Variants in ARHGEF28 observed in about 807,000 individuals in gnomAD.
The protein encoded by ARHGEF28 is 190 kDa guanine nucleotide exchange factor.
A neutral mutation model predicts 206.6 loss-of-function variants in ARHGEF28; 152 were observed. The ratio of observed to expected loss-of-function variants is 0.74; its 90% CI spans 0.64 to 0.84. The LOEUF is 0.84. ARHGEF28 is among the 40% of genes least tolerant of loss of function. ARHGEF28 has a pLI of 0.00. For missense variants in ARHGEF28, 2,028 were observed against 2,073.2 expected, an observed-to-expected ratio of 0.98 and a Z score of 0.42; for synonymous variants, 763 against 776.4, an observed-to-expected ratio of 0.98 and a Z score of 0.29.
intron 2 of ARHGEF28, among the ~76,000 whole-genome samples, chr5:73,691,488 G>T (rs1300665005): frequency 1.3e-5 from 2 of 152,102 alleles, no homozygotes; most frequent in Non-Finnish European, 2.9e-5. Context: ...CTAGGAACTT[G>T]CCAGAAATGC....
In ARHGEF28 at chr5:73,694,047, A is replaced by G. The variant is rs543075400; in HGVS notation, c.33+9163A>G. On this transcript the variant is annotated intron_variant, in intron 2 of 35. Coordinates refer to ENST00000513042, the MANE Select transcript of ARHGEF28 (RefSeq NM_001177693.2). Reference sequence around the variant, plus strand: ...GAGATTGCTTGGTAGTTCTGGCAGGAGCAGAGAGGAAAAGCTTCTCAGACT... The same window carrying G: ...GAGATTGCTTGGTAGTTCTGGCAGGGGCAGAGAGGAAAAGCTTCTCAGACT... Among the ~76,000 whole-genome samples the G allele has an allele frequency of 2.4e-4, 37 of 152,340 alleles. No homozygotes were observed. In the South Asian group the frequency reaches 7.7e-3, roughly 32 times the overall value.
intron 1 of ARHGEF28, among the ~76,000 whole-genome samples, chr5:73,654,593 A>G (rs1480765732): frequency 2.0e-5 from 3 of 152,232 alleles, no homozygotes; most frequent in Admixed American, 1.3e-4. Context: ...GGAATTCACC[A>G]TGAGTCATTA....
At chr5:73,860,444 G>A (rs547194523) in intron 16 of ARHGEF28, among the ~76,000 whole-genome samples, 137 of 152,200 alleles carry the variant, frequency 9.0e-4, no homozygotes, top group African/African-American at 3.2e-3. Flanking sequence ...CATCGTCTTC[G>A]AAACCCAGTG....
chr5:73,796,986 T>C (rs1238427021), intron 9 of ARHGEF28, among the ~76,000 whole-genome samples: 1 of 152,208 alleles, frequency 6.6e-6, no homozygotes, highest in Non-Finnish European at 1.5e-5. Context: ...TGAGACGATC[T>C]TAATTTCAGG....
At chr5:73,729,432 AT>A (rs113705852) in intron 2 of ARHGEF28, among the ~76,000 whole-genome samples, 2,693 of 152,268 alleles carry the variant, frequency 0.018, 74 homozygotes, top group African/African-American at 0.061. Context: ...GAGCTGCAGT[AT>A]TTACTCTATC....
intron 22 of ARHGEF28, among the ~76,000 whole-genome samples, chr5:73,881,474 A>G (rs1760938697): frequency 6.6e-6 from 1 of 152,138 alleles, no homozygotes; most frequent in South Asian, 2.1e-4. Context: ...TTTCACTGGC[A>G]TTGTATAGTT....
In ARHGEF28 at chr5:73,709,875, C is replaced by T. The variant is rs544534993; in HGVS notation, c.33+24991C>T. On this transcript the variant is annotated intron_variant, in intron 2 of 35. Coordinates refer to ENST00000513042, the MANE Select transcript of ARHGEF28 (RefSeq NM_001177693.2). ...TCTTATACTTAGCAAAATGCATTTC[C>T]GATTTGTTCCTGCTTTTGTGTGAAA... Among the ~76,000 whole-genome samples the T allele has an allele frequency of 1.1e-4, 16 of 152,296 alleles. No homozygotes were observed. In the South Asian group the frequency reaches 1.7e-3, roughly 16 times the overall value.
At position 73,865,956 on chromosome 5, in the gene ARHGEF28, CT is replaced by C; in HGVS notation, c.2104-6del. The C allele has an allele frequency of 6.3e-7, 1 of 1,577,192 alleles. No individual in the cohort carries two copies. The highest frequency in any genetic ancestry group is 8.7e-7 in the Non-Finnish European group (1 of 1,150,612). On this transcript the variant is annotated splice_polypyrimidine_tract_variant and splice_region_variant and intron_variant, in intron 17 of 35. Transcript: ENST00000513042. Reference sequence around the variant, plus strand: ...TCTTACTTTATGTGTTTCTAATATTCTTTACCAGAAATTCCAAGAGAAATAT... The same window carrying C: ...TCTTACTTTATGTGTTTCTAATATTCTTACCAGAAATTCCAAGAGAAATAT...
At chr5:73,873,269 G>T in intron 22 of ARHGEF28, 23 bp downstream of exon 22, 1 of 1,586,256 alleles carries the variant, frequency 6.3e-7, no homozygotes, top group South Asian at 1.1e-5. Flanking sequence ...TAAAGTCCTT[G>T]ACCTTTATGA....
rs552066219 is a variant in ARHGEF28, at chr5:73,814,774, A to G, written c.1025-17564A>G. Among the ~76,000 whole-genome samples the G allele has an allele frequency of 1.1e-4, 16 of 152,196 alleles. No individual in the cohort carries two copies. In the South Asian group the frequency reaches 2.7e-3, roughly 26 times the overall value. On this transcript the variant is annotated intron_variant, in intron 9 of 35. Coordinates refer to ENST00000513042, the MANE Select transcript of ARHGEF28 (RefSeq NM_001177693.2). ...TTGTCAGCAAACCAGCTTAGCTTCAAGCATCTTCTTTCTTCCTTCTGAAAT... is the reference window on the plus strand; with the variant it reads ...TTGTCAGCAAACCAGCTTAGCTTCAGGCATCTTCTTTCTTCCTTCTGAAAT...
intron 4 of ARHGEF28, among the ~76,000 whole-genome samples, chr5:73,761,101 G>A (rs1214854705): frequency 6.6e-6 from 1 of 150,770 alleles, no homozygotes; most frequent in Non-Finnish European, 1.5e-5. Context: ...ATTCGGGACT[G>A]TAGAAGGTTT....
intron 2 of ARHGEF28, among the ~76,000 whole-genome samples, chr5:73,719,223 G>A (rs1370814328): frequency 6.6e-6 from 1 of 151,892 alleles, no homozygotes; most frequent in South Asian, 2.1e-4. Context: ...CCACAAAAGC[G>A]ACCATGATCA....
chr5:73,630,777 T>C (rs147178072), intron 1 of ARHGEF28, among the ~76,000 whole-genome samples: 1 of 152,292 alleles, frequency 6.6e-6, no homozygotes, highest in East Asian at 1.9e-4. Flanking sequence ...GAGCAACCCA[T>C]TTTTTAACAT....
chr5:73,689,688 C>A (rs528939868), intron 2 of ARHGEF28, among the ~76,000 whole-genome samples: 3 of 152,070 alleles, frequency 2.0e-5, no homozygotes, highest in Admixed American at 6.5e-5. Context: ...TTTTTAGTCT[C>A]TAAGCAGCTT....
At chr5:73,932,515 G>A (rs1445002936) in intron 35 of ARHGEF28, among the ~76,000 whole-genome samples, 1 of 152,122 alleles carries the variant, frequency 6.6e-6, no homozygotes, top group Non-Finnish European at 1.5e-5. Context: ...AATGCTAGTG[G>A]CCAACCAGGA....
Position 73,840,720 on chromosome 5 carries a change from C to G in ARHGEF28, c.1387C>G (p.His463Asp). The G allele has an allele frequency of 2.5e-6, 4 of 1,611,350 alleles. No individual in the cohort carries two copies. Among genetic ancestry groups the G allele is most frequent in the Non-Finnish European group, 3.4e-6 (4 of 1,178,542 alleles). Residue 463 changes from histidine to aspartate, a missense_variant, in exon 11 of 36, where the codon CAT (histidine) becomes GAT (aspartate). By Grantham distance (81) the His-to-Asp change is moderately conservative (BLOSUM62 -1). Coordinates refer to ENST00000513042, the MANE Select transcript of ARHGEF28 (RefSeq NM_001177693.2). ...ASNLNLSFGWHGFEKEQSHLK... is the reference protein window; with the variant it reads ...ASNLNLSFGWDGFEKEQSHLK... ...CAACTTGAATCTTTCTTTTGGTTGG[C>G]ATGGATTTGAAAAGGAACAAAGTCA...
chr5:73,655,200 A>G (rs1745107783), intron 1 of ARHGEF28, among the ~76,000 whole-genome samples: 1 of 152,210 alleles, frequency 6.6e-6, no homozygotes, highest in Non-Finnish European at 1.5e-5. Flanking sequence ...ACAAAAGTCC[A>G]TATTTTCTCC....
chr5:73,665,833 G>C (rs1242048362), intron 1 of ARHGEF28, among the ~76,000 whole-genome samples: 1 of 152,072 alleles, frequency 6.6e-6, no homozygotes, highest in Non-Finnish European at 1.5e-5. Context: ...CTTTTCTGGA[G>C]GACACATTCA....
chr5:73,804,918 C>G (rs934773981), intron 9 of ARHGEF28, among the ~76,000 whole-genome samples: 1 of 152,144 alleles, frequency 6.6e-6, no homozygotes, highest in Non-Finnish European at 1.5e-5. Flanking sequence ...ATGTGTAGCC[C>G]ACACATAAGG....
Sources: allele counts gnomAD v4.1 joint callset (sites outside exome capture counted in the v4.1 genomes callset), GRCh38; gene constraint gnomAD v4.1.1; transcripts MANE v1.5; gene names NCBI Gene and HGNC (gene_info 2026-07-23, HGNC 2026-07-21).